Variants in MEGF11 observed in about 807,000 individuals in gnomAD.
MEGF11 encodes multiple epidermal growth factor-like domains protein 11.
Under a neutral mutation model 146.6 loss-of-function variants are expected in MEGF11, and 126 were observed. The ratio of observed to expected loss-of-function variants is 0.86; its 90% CI spans 0.74 to 1.00. The LOEUF is 1.00. Among genes scored for constraint, MEGF11 ranks in the 50% least tolerant of loss-of-function variants. The pLI, the probability that MEGF11 is intolerant of heterozygous loss-of-function variation, is 0.00. For synonymous variants in MEGF11, 532 were observed against 583.4 expected, an observed-to-expected ratio of 0.91 and a Z score of 1.27; for missense variants, 1,509 against 1,521.2, an observed-to-expected ratio of 0.99 and a Z score of 0.13.
At chr15:65,899,212 G>A (rs1274554971) in intron 24 of MEGF11, among the ~76,000 whole-genome samples, 1 of 152,186 alleles carries the variant, frequency 6.6e-6, no homozygotes. Context: ...GCTTTGACAT[G>A]TATTTAATTT....
intron 1 of MEGF11, among the ~76,000 whole-genome samples, chr15:66,238,219 C>G (rs1025313721): frequency 3.9e-5 from 6 of 152,188 alleles, no homozygotes; most frequent in African/African-American, 1.4e-4. Flanking sequence ...AAACCCCCTC[C>G]CCAACCCACC....
At chr15:66,053,673 C>T (rs1372138837) in intron 5 of MEGF11, among the ~76,000 whole-genome samples, 2 of 148,826 alleles carry the variant, frequency 1.3e-5, no homozygotes, top group African/African-American at 2.5e-5. Context: ...CCTCTCCATT[C>T]CCAGCCAGGG....
chr15:65,948,239 C>T (rs539518019), intron 10 of MEGF11, among the ~76,000 whole-genome samples: 7 of 152,048 alleles, frequency 4.6e-5, no homozygotes, highest in Admixed American at 2.0e-4. Flanking sequence ...GGAGTCATGT[C>T]GCCTGTATTC....
chr15:66,168,003 A>C (rs1374956467), intron 1 of MEGF11, among the ~76,000 whole-genome samples: 2 of 152,148 alleles, frequency 1.3e-5, no homozygotes, highest in Non-Finnish European at 2.9e-5. Flanking sequence ...CTCCTAGGCC[A>C]GGCTCCTCCC....
At chr15:65,943,226 C>T (rs2141387027) in intron 10 of MEGF11, among the ~76,000 whole-genome samples, 1 of 152,244 alleles carries the variant, frequency 6.6e-6, no homozygotes, top group East Asian at 1.9e-4. Flanking sequence ...GATCCACCTG[C>T]CTTGGCCTCC....
At chr15:65,992,111 C>T (rs2082062031) in intron 5 of MEGF11, among the ~76,000 whole-genome samples, 1 of 152,216 alleles carries the variant, frequency 6.6e-6, no homozygotes, top group South Asian at 2.1e-4. Flanking sequence ...GAACAAAGGC[C>T]ATGGGTACAT....
chr15:66,135,449 C>A (rs934500102), intron 1 of MEGF11, among the ~76,000 whole-genome samples: 1 of 152,188 alleles, frequency 6.6e-6, no homozygotes, highest in Non-Finnish European at 1.5e-5. Context: ...GCCCCAAGCC[C>A]CTGAACACTT....
chr15:65,923,868 GC>G (rs1168317644), intron 13 of MEGF11, among the ~76,000 whole-genome samples: 1 of 152,168 alleles, frequency 6.6e-6, no homozygotes, highest in Non-Finnish European at 1.5e-5. Context: ...GAGGCTGGAT[GC>G]CCCAGCTCTG....
intron 5 of MEGF11, among the ~76,000 whole-genome samples, chr15:66,081,334 A>G (rs2085845939): frequency 6.6e-6 from 1 of 152,168 alleles, no homozygotes; most frequent in Non-Finnish European, 1.5e-5. Flanking sequence ...TAGAAATAAA[A>G]CATCATGAGC....
chr15:66,114,825 C>A (rs946238581), intron 4 of MEGF11, among the ~76,000 whole-genome samples: 2 of 152,122 alleles, frequency 1.3e-5, no homozygotes, highest in African/African-American at 4.8e-5. Flanking sequence ...AGGAGGGCTC[C>A]CAGATGAGAA....
intron 1 of MEGF11, among the ~76,000 whole-genome samples, chr15:66,236,968 T>C (rs1388653225): frequency 1.3e-5 from 2 of 152,144 alleles, no homozygotes; most frequent in African/African-American, 4.8e-5. Flanking sequence ...GTGCCCGGCA[T>C]GGGTCACATG....
chr15:65,922,490 A>G lies in MEGF11; in HGVS notation c.1823-18T>C, dbSNP rs752743594. The G allele has an allele frequency of 3.0e-5, 47 of 1,544,804 alleles. No homozygotes were observed. Among genetic ancestry groups the G allele is most frequent in the Non-Finnish European group, 3.9e-5 (45 of 1,145,536 alleles). On this transcript the variant is annotated intron_variant, in intron 14 of 25. Transcript: ENST00000395614. Reference sequence around the variant, plus strand: ...GGGGCAGACTGAGGGTGAAGGGAAGATGGTGGTCAGCAGCCCAAGAGACCC... The same window carrying G: ...GGGGCAGACTGAGGGTGAAGGGAAGGTGGTGGTCAGCAGCCCAAGAGACCC...
chr15:66,036,038 C>T (rs2083714423), intron 5 of MEGF11, among the ~76,000 whole-genome samples: 1 of 152,246 alleles, frequency 6.6e-6, no homozygotes, highest in South Asian at 2.1e-4. Context: ...GCTTTCCTGC[C>T]TTGGGCTTTC....
At chr15:66,222,728 C>T (rs964135248) in intron 1 of MEGF11, among the ~76,000 whole-genome samples, 2 of 152,168 alleles carry the variant, frequency 1.3e-5, no homozygotes, top group Non-Finnish European at 2.9e-5. Flanking sequence ...CCAATATGCA[C>T]ATGAAAAGAG....
At chr15:66,015,619 T>C (rs2082860216) in intron 5 of MEGF11, among the ~76,000 whole-genome samples, 1 of 152,104 alleles carries the variant, frequency 6.6e-6, no homozygotes, top group Non-Finnish European at 1.5e-5. Context: ...CCCAGAAAAC[T>C]GAATGAGAAC....
intron 1 of MEGF11, among the ~76,000 whole-genome samples, chr15:66,239,609 A>G (rs923539820): frequency 1.1e-4 from 17 of 152,204 alleles, no homozygotes. Context: ...GGTCTCATCT[A>G]ACATCACTGG....
At chr15:66,104,105 A>T (rs2086953695) in intron 4 of MEGF11, among the ~76,000 whole-genome samples, 2 of 152,228 alleles carry the variant, frequency 1.3e-5, no homozygotes, top group Non-Finnish European at 2.9e-5. Context: ...GACACCAAAA[A>T]TGGGAGCCCC....
At chr15:66,123,820 C>T in intron 3 of MEGF11, 79 bp downstream of exon 3, 1 of 1,205,672 alleles carries the variant, frequency 8.3e-7, no homozygotes, top group South Asian at 1.2e-5. Flanking sequence ...CTCCAGCGGC[C>T]TTTTTCTAAC....
chr15:65,908,817 C>T (rs997556997), intron 23 of MEGF11, among the ~76,000 whole-genome samples: 3 of 152,176 alleles, frequency 2.0e-5, no homozygotes, highest in Non-Finnish European at 2.9e-5. Context: ...TCACATCCAC[C>T]GTTCACTATG....
Sources: gnomAD v4.1 joint callset for allele counts (sites outside exome capture counted in the v4.1 genomes callset) on GRCh38, gnomAD v4.1.1 for gene constraint, MANE v1.5 for transcripts, NCBI Gene and HGNC (gene_info 2026-07-23, HGNC 2026-07-21) for gene names.